Variants in FASN observed in about 807,000 individuals in gnomAD.
FASN encodes 3-hydroxyacyl-[acyl-carrier-protein] dehydratase.
A neutral mutation model predicts 250.0 loss-of-function variants in FASN; 50 were observed. That is an observed-to-expected ratio of 0.20 (90% CI 0.16 to 0.25). The LOEUF (loss-of-function observed/expected upper bound fraction) is 0.25. Among genes scored for constraint, FASN ranks in the 10% least tolerant of loss-of-function variants. The pLI, the probability that FASN is intolerant of heterozygous loss-of-function variation, is 1.00. For missense variants in FASN, 3,031 were observed against 3,498.5 expected, an observed-to-expected ratio of 0.87 and a Z score of 3.37; for synonymous variants, 1,909 against 1,584.0, an observed-to-expected ratio of 1.21 and a Z score of -4.87.
At chr17:82,083,743 G>T in intron 30 of FASN, 29 bp downstream of exon 30, 1 of 1,611,014 alleles carries the variant, frequency 6.2e-7, no homozygotes, top group Non-Finnish European at 8.5e-7. Context: ...CTAGGCAGGA[G>T]GCAGGTGGGG....
chr17:82,083,960 G>C lies in FASN; in HGVS notation c.5098+15C>G, dbSNP rs1001510211. On this transcript the variant is annotated intron_variant, in intron 29 of 42. Coordinates refer to ENST00000306749, the MANE Select transcript of FASN (RefSeq NM_004104.5). ...GCCAGGAGGGCAGCGGGAGGCACCG[G>C]GGGCGGGGCCTTACCCACGGTGGTG... 19 of 1,543,328 alleles carry C rather than the reference G, an allele frequency of 1.2e-5. No homozygotes were observed. The highest frequency in any genetic ancestry group is 1.5e-5 in the Non-Finnish European group (17 of 1,146,324).
rs935064432 is a variant in FASN, at chr17:82,082,376, C to T, written c.5958G>A (p.Glu1986=). 5 of 1,612,916 alleles carry T rather than the reference C, an allele frequency of 3.1e-6. No homozygotes were observed. The highest frequency in any genetic ancestry group is 4.2e-6 in the Non-Finnish European group (5 of 1,180,002). Residue 1986 remains glutamate (E), a synonymous_variant, in exon 35 of 43, where the codon GAG becomes GAA. Transcript: ENST00000306749. ...TGGGCTTGCAGACGTCCTGGAAGAA[C>T]TCTGGGGTCTGGTTCTCCAGCAAGC... ...RDGLLENQTP[E]FFQDVCKPKY... is the part of the protein sequence containing the mutation.
intron 3 of FASN, 79 bp from the exon 4 acceptor site, chr17:82,093,850 G>C (rs1289794840): frequency 5.5e-6 from 8 of 1,447,744 alleles, no homozygotes; most frequent in South Asian, 1.2e-5. Context: ...GCTCTGGGGC[G>C]AAGGTCCCAT....
chr17:82,093,677 C>T lies in FASN; in HGVS notation c.375G>A (p.Glu125=). The change falls in exon 4 of 43, where the codon GAG becomes GAA. Residue 125 remains glutamate (E), a synonymous_variant. Coordinates refer to ENST00000306749, the MANE Select transcript of FASN (RefSeq NM_004104.5). ...CCACCATGCTGTAGCCCACGAGTGT[C>T]TCGGGGTCTCGGCTCAGGGCCTCCG... ...ETSEALSRDP[E]TLVGYSMVGC... The T allele has an allele frequency of 1.2e-6, 2 of 1,612,792 alleles. No individual in the cohort carries two copies. Among genetic ancestry groups the T allele is most frequent in the East Asian group, 4.5e-5 (2 of 44,880 alleles).
At position 82,089,712 on chromosome 17, in the gene FASN, C is replaced by T; in HGVS notation, c.1885G>A (p.Glu629Lys). The change falls in exon 12 of 43, where the codon GAG (glutamate) becomes AAG (lysine). Residue 629 changes from glutamate to lysine, a missense_variant. Transcript: ENST00000306749. Reference sequence around the variant, plus strand: ...CCCGGGGGGCAGCGCTGTTTACACTCCTCCCAGGACAAGCCTATGGCAGAG... The same window carrying T: ...CCCGGGGGGCAGCGCTGTTTACACTTCTCCCAGGACAAGCCTATGGCAGAG... ...AMAAVGLSWE[E>K]CKQRCPPGVV... 1 of 1,584,798 alleles carries T rather than the reference C, an allele frequency of 6.3e-7. No individual in the cohort carries two copies. Among genetic ancestry groups the T allele is most frequent in the South Asian group, 1.1e-5 (1 of 87,256 alleles).
chr17:82,081,694 C>T lies in FASN; in HGVS notation c.6313G>A (p.Val2105Ile). Residue 2105 changes from valine (V) to isoleucine (I), a missense_variant, in exon 37 of 43, where the codon GTC (valine) becomes ATC (isoleucine). By Grantham distance (29) the Val-to-Ile change is conservative (BLOSUM62 3). Transcript: ENST00000306749. The part of the protein sequence containing the change: ...LDLFLNQPHM[V>I]LSSFVLAEKA... ...TCAGCCAGCACAAAGCTGCTCAGGA[C>T]CATGTGGGGCTGGTTCAGGAAGAGG... 2 of 1,612,764 alleles carry T rather than the reference C, an allele frequency of 1.2e-6. No homozygotes were observed. The highest frequency in any genetic ancestry group is 2.2e-5 in the East Asian group (1 of 44,882).
At position 82,081,745 on chromosome 17, in the gene FASN, T is replaced by C. The variant is rs767993316; in HGVS notation, c.6262A>G (p.Met2088Val). ...TCCAGCACCTCCAGGCAGGACGCCATGCGCTGGGGCAGCGTGCCACTGACG... is the reference window on the plus strand; with the variant it reads ...TCCAGCACCTCCAGGCAGGACGCCACGCGCTGGGGCAGCGTGCCACTGACG... ...TIVSGTLPQRMASCLEVLDLF... is the reference protein window; with the variant it reads ...TIVSGTLPQRVASCLEVLDLF... Residue 2088 changes from methionine to valine, a missense_variant, in exon 37 of 43, where the codon ATG becomes GTG. Transcript: ENST00000306749. The C allele has an allele frequency of 1.9e-6, 3 of 1,612,590 alleles. No homozygotes were observed. Among genetic ancestry groups the C allele is most frequent in the African/African-American group, 2.7e-5 (2 of 74,880 alleles).
In FASN at chr17:82,093,782, C is replaced by G. The variant is rs1212591936; in HGVS notation, c.281-11G>C. The G allele has an allele frequency of 1.2e-6, 2 of 1,612,156 alleles. No homozygotes were observed. Among genetic ancestry groups the G allele is most frequent in the Admixed American group, 1.7e-5 (1 of 59,990 alleles). ...AATCTGGGTTGATGCCTGCCACAAA[C>G]AGTGGTCAAGGTGCCACGGCCGGGC... On this transcript the variant is annotated splice_polypyrimidine_tract_variant and intron_variant, in intron 3 of 42. Coordinates refer to ENST00000306749, the MANE Select transcript of FASN (RefSeq NM_004104.5).
Position 82,083,976 on chromosome 17 carries a change from C to A in FASN, c.5097G>T (p.Val1699=). ...GAGGCACCGGGGGCGGGGCCTTACC[C>A]ACGGTGGTGAAGACGCGGCAGCCCA... ...LSLGCRVFTT[V]GSAEKRAYLQ... The change falls in exon 29 of 43, where the codon GTG becomes GTT. Residue 1699 remains valine, a splice_region_variant and synonymous_variant. Transcript: ENST00000306749. The A allele has an allele frequency of 6.5e-7, 1 of 1,541,128 alleles. No individual in the cohort carries two copies.
chr17:82,093,751 G>A lies in FASN; in HGVS notation c.301C>T (p.Arg101Ter). 1.2e-6 allele frequency: 2 copies of A among 1,612,586 alleles called. No homozygotes were observed. Among genetic ancestry groups the A allele is most frequent in the Non-Finnish European group, 1.7e-6 (2 of 1,179,910 alleles). The change falls in exon 4 of 43, where the codon CGA becomes TGA. Residue 101 changes from arginine to a stop codon, truncating the protein, a stop_gained. Coordinates refer to ENST00000306749, the MANE Select transcript of FASN (RefSeq NM_004104.5). LOFTEE classifies it high-confidence loss of function. ...VDGGINPDSLRGTHTGVWVGV... is the reference protein window; with the variant it reads ...VDGGINPDSL ...ACCCAGACGCCAGTGTGTGTTCCTC[G>A]GAGTGAATCTGGGTTGATGCCTGCC...
rs763034137 is a variant in FASN, at chr17:82,084,220, C to T, written c.4919+14G>A. 6.2e-7 allele frequency: 1 copy of T among 1,611,124 alleles called. No homozygotes were observed. The highest frequency in any genetic ancestry group is 1.1e-5 in the South Asian group (1 of 90,744). ...TCCACGTGGGGCCCAGGCTCACACC[C>T]TCGACACACTCACCAGTTGGAAGGC... On this transcript the variant is annotated intron_variant, in intron 28 of 42. Coordinates refer to ENST00000306749, the MANE Select transcript of FASN (RefSeq NM_004104.5).
At position 82,090,457 on chromosome 17, in the gene FASN, C is replaced by A; in HGVS notation, c.1788G>T (p.Gln596His). 1 of 1,607,210 alleles carries A rather than the reference C, an allele frequency of 6.2e-7. No individual in the cohort carries two copies. Among genetic ancestry groups the A allele is most frequent in the Non-Finnish European group, 8.5e-7 (1 of 1,177,732 alleles). The change falls in exon 11 of 43, where the codon CAG (glutamine) becomes CAT (histidine). Residue 596 changes from glutamine (Q) to histidine (H), a missense_variant. Transcript: ENST00000306749. ...AGTAGGCAGCGAGGACGGCCTCCTC[C>A]TGGGACAGGCAGCCGTCGGCGTAGC... is the stretch of plus-strand genomic sequence containing the variant. ...ACGYADGCLSQEEAVLAAYWR... is the reference protein window; with the variant it reads ...ACGYADGCLSHEEAVLAAYWR...
intron 42 of FASN, 22 bp from the exon 43 acceptor site, chr17:82,079,302 G>A (rs1271621122): frequency 6.2e-7 from 1 of 1,613,018 alleles, no homozygotes; most frequent in Non-Finnish European, 8.5e-7. Flanking sequence ...GCGATCAGCT[G>A]CCGTCCCACC....
intron 3 of FASN, chr17:82,094,064 G>A (rs574680991): frequency 2.3e-4 from 117 of 513,364 alleles, no homozygotes; most frequent in African/African-American, 1.9e-3. Flanking sequence ...CACCAGGCAC[G>A]GCCAGAGTGG....
In FASN at chr17:82,098,146, G is replaced by T. The variant is rs914116700; in HGVS notation, c.-33C>A. Reference sequence around the variant, plus strand: ...CTGGTGAGGGCGCGGGCGGCGGTGCGGGCGGCGGAGAGCGAGGCTGGAGCG... The same window carrying T: ...CTGGTGAGGGCGCGGGCGGCGGTGCTGGCGGCGGAGAGCGAGGCTGGAGCG... On this transcript the variant is annotated 5_prime_UTR_variant, in exon 1 of 43. Coordinates refer to ENST00000306749, the MANE Select transcript of FASN (RefSeq NM_004104.5). 1.7e-5 allele frequency: 6 copies of T among 353,316 alleles called. No homozygotes were observed. Among genetic ancestry groups the T allele is most frequent in the Non-Finnish European group, 3.0e-5 (6 of 196,746 alleles). 21.9% of individuals were successfully genotyped at this position (353,316 alleles called of 1,614,324 possible). A position where few individuals can be genotyped will look rare whatever the true frequency, so the allele number is the denominator to read the frequency against.
In FASN at chr17:82,086,475, G is replaced by A. The variant is rs754866865; in HGVS notation, c.3511C>T (p.Arg1171Trp). The change falls in exon 22 of 43, where the codon CGG becomes TGG. Residue 1171 changes from arginine (R) to tryptophan (W), a missense_variant. Arg to Trp is a moderately radical substitution (Grantham distance 101). Coordinates refer to ENST00000306749, the MANE Select transcript of FASN (RefSeq NM_004104.5). Reference sequence around the variant, plus strand: ...GGCAGTTCCTGCTGTGAGGGGTCCCGGGGGATCTGGGCCCCATCCAGTCCG... The same window carrying A: ...GGCAGTTCCTGCTGTGAGGGGTCCCAGGGGATCTGGGCCCCATCCAGTCCG... ...VPGLDGAQIP[R>W]DPSQQELPRL... 1.2e-5 allele frequency: 19 copies of A among 1,612,098 alleles called. No homozygotes were observed. The highest frequency in any genetic ancestry group is 6.7e-5 in the African/African-American group (5 of 74,910).
rs547862102 is a variant in FASN, at chr17:82,095,378, C to T, written c.222G>A (p.Thr74=). 15 of 1,612,994 alleles carry T rather than the reference C, an allele frequency of 9.3e-6. No individual in the cohort carries two copies. In the Admixed American group the frequency reaches 1.3e-4, roughly 14 times the overall value. The change falls in exon 3 of 43, where the codon ACG becomes ACA. Residue 74 remains threonine (T), a synonymous_variant. Transcript: ENST00000306749. ...GCAGCAGCCGCAGCTGAGGGTCCAT[C>T]GTGTGTGCCTGCTTGGGGTGGACTC... ...FFGVHPKQAH[T]MDPQLRLLLE...
Position 82,078,888 on chromosome 17 carries a change from C to T in FASN, c.*255G>A, listed in dbSNP as rs1472831958. On this transcript the variant is annotated 3_prime_UTR_variant, in exon 43 of 43. Transcript: ENST00000306749. This position sits in a 1 kb window ranked among gnomAD's most constrained non-coding sequence, Gnocchi z 5.4. ...CGCACGAGGCCCAGCCCAGTTCCTGCGGGCACGGGCACCACCGGCTCTTCA... is the reference window on the plus strand; with the variant it reads ...CGCACGAGGCCCAGCCCAGTTCCTGTGGGCACGGGCACCACCGGCTCTTCA... 14 of 576,314 alleles carry T rather than the reference C, an allele frequency of 2.4e-5. 1 individual carries two copies. Among genetic ancestry groups the T allele is most frequent in the South Asian group, 1.6e-4 (8 of 50,124 alleles). 35.7% of individuals were successfully genotyped at this position (576,314 alleles called of 1,614,324 possible). A position where few individuals can be genotyped will look rare whatever the true frequency, so the allele number is the denominator to read the frequency against.
At chr17:82,079,885 T>C in intron 41 of FASN, 1 of 625,632 alleles carries the variant, frequency 1.6e-6, no homozygotes. Context: ...TTTTTGTATT[T>C]TTAGTAGAGA....
Sources: gnomAD v4.1 joint callset for allele counts on GRCh38, gnomAD v4.1.1 for gene constraint, Gnocchi (gnomAD v3.1) non-coding constraint, MANE v1.5 for transcripts, NCBI Gene and HGNC (gene_info 2026-07-23, HGNC 2026-07-21) for gene names.